The following NCKAP5 variants were observed in gnomAD, a reference collection of about 807,000 sequenced individuals.
NCKAP5 encodes nck-associated protein 5.
Under a neutral mutation model 167.0 loss-of-function variants are expected in NCKAP5, and 92 were observed. The ratio of observed to expected loss-of-function variants is 0.55; its 90% CI spans 0.47 to 0.66. The LOEUF is 0.66. Among genes scored for constraint, NCKAP5 ranks in the 30% least tolerant of loss-of-function variants. NCKAP5 has a pLI of 0.00. For missense variants in NCKAP5, 2,378 were observed against 2,315.0 expected (o/e 1.03, Z -0.56); for synonymous variants, 891 against 877.4 (o/e 1.02, Z -0.27).
chr2:132,835,822 T>C (rs1398111349), intron 11 of NCKAP5, among the ~76,000 whole-genome samples: 1 of 152,144 alleles, frequency 6.6e-6, no homozygotes, highest in Non-Finnish European at 1.5e-5. Context: ...AAACAAAAAA[T>C]AGAAGTGTCT....
chr2:133,273,023 A>G (rs895154300), intron 4 of NCKAP5, among the ~76,000 whole-genome samples: 5 of 152,076 alleles, frequency 3.3e-5, no homozygotes, highest in Non-Finnish European at 5.9e-5. Flanking sequence ...TTCATGTACA[A>G]GTTTTTGTGT....
At chr2:133,123,179 A>G (rs926473456) in intron 6 of NCKAP5, 2 of 152,388 alleles carry the variant, frequency 1.3e-5, no homozygotes, top group African/African-American at 2.4e-5. Flanking sequence ...ATTTAAGAAG[A>G]AACATGTGAC....
chr2:133,602,211 G>A, the NCKAP5 span, among the ~76,000 whole-genome samples: 7 of 152,146 alleles, frequency 4.6e-5, no homozygotes, highest in Admixed American at 3.9e-4. Context: ...GAGAGCTCAG[G>A]GGAGGTGGTG....
intron 17 of NCKAP5, among the ~76,000 whole-genome samples, chr2:132,731,195 C>A (rs994144204): frequency 3.9e-5 from 6 of 152,174 alleles, no homozygotes; most frequent in African/African-American, 1.4e-4. Context: ...ATCATGAAAT[C>A]TTGTTTCAAT....
At position 133,093,532 on chromosome 2, in the gene NCKAP5, A is replaced by T. The variant is rs577332639; in HGVS notation, c.341+36446T>A. Among the ~76,000 whole-genome samples, 3 of 152,318 alleles carry T rather than the reference A, an allele frequency of 2.0e-5. No homozygotes were observed. In the East Asian group the frequency reaches 5.8e-4, roughly 29 times the overall value. On this transcript the variant is annotated intron_variant, in intron 6 of 19. Transcript: ENST00000409261. ...ACAGGGAACAAACCCTTCTCTCTGC[A>T]AGGTTTTTATAATTAAACATCATGA...
chr2:132,836,402 C>T (rs576866577), intron 11 of NCKAP5, among the ~76,000 whole-genome samples: 1 of 151,938 alleles, frequency 6.6e-6, no homozygotes, highest in South Asian at 2.1e-4. Context: ...CTCTTATTTT[C>T]CTAGGAGTAT....
intron 3 of NCKAP5, among the ~76,000 whole-genome samples, chr2:133,471,715 C>T (rs1679341203): frequency 6.6e-6 from 1 of 152,148 alleles, no homozygotes; most frequent in South Asian, 2.1e-4. Flanking sequence ...ACTCCTCTTG[C>T]ATGAATCTCT....
chr2:133,590,594 T>C, the NCKAP5 span, among the ~76,000 whole-genome samples: 100,002 of 149,762 alleles, frequency 0.67, 34,850 homozygotes, highest in East Asian at 0.95. Context: ...AACATGACTC[T>C]CACAACCATG....
chr2:133,096,673 T>C (rs2081353715), intron 6 of NCKAP5, among the ~76,000 whole-genome samples: 1 of 152,172 alleles, frequency 6.6e-6, no homozygotes, highest in African/African-American at 2.4e-5. Context: ...TTATATTAAG[T>C]TGAGTTTATC....
At chr2:133,353,149 C>T (rs570490934) in intron 3 of NCKAP5, among the ~76,000 whole-genome samples, 14 of 152,250 alleles carry the variant, frequency 9.2e-5, no homozygotes, top group African/African-American at 2.4e-4. Context: ...AAGTGAACTG[C>T]GAAGCAAAAA....
chr2:133,151,256 C>T (rs930661973), intron 5 of NCKAP5, among the ~76,000 whole-genome samples: 1 of 151,786 alleles, frequency 6.6e-6, no homozygotes, highest in African/African-American at 2.4e-5. Flanking sequence ...GATACAACAC[C>T]AAAAGCATGA....
At chr2:132,734,885 T>C (rs978562649) in intron 16 of NCKAP5, among the ~76,000 whole-genome samples, 2 of 152,228 alleles carry the variant, frequency 1.3e-5, no homozygotes, top group African/African-American at 4.8e-5. Flanking sequence ...GCTCAGTTCA[T>C]AGCCATTCAG....
At chr2:132,762,290 T>C (rs1338098541) in intron 16 of NCKAP5, among the ~76,000 whole-genome samples, 2 of 149,864 alleles carry the variant, frequency 1.3e-5, no homozygotes, top group Non-Finnish European at 3.0e-5. Context: ...TTATTCATAA[T>C]TTTCTGTCAC....
chr2:132,781,083 T>G lies in NCKAP5; in HGVS notation c.5018A>C (p.Lys1673Thr), dbSNP rs771484177. ...QGNHKKNMKI[K>T]ADMEVPKDSL... ...GTCTTTTGGTACTTCCATATCGGCTTTGATTTTCATGTTTTTCTTGTGGTT... is the reference window on the plus strand; with the variant it reads ...GTCTTTTGGTACTTCCATATCGGCTGTGATTTTCATGTTTTTCTTGTGGTT... Residue 1673 changes from lysine to threonine, a missense_variant, in exon 15 of 20, where the codon AAA becomes ACA. By Grantham distance (78) the Lys-to-Thr change is moderately conservative (BLOSUM62 -1). Coordinates refer to ENST00000409261, the MANE Select transcript of NCKAP5 (RefSeq NM_207363.3). 2.5e-6 allele frequency: 4 copies of G among 1,613,744 alleles called. No individual in the cohort carries two copies. The East Asian group carries it at 6.7e-5, about 27-fold the overall frequency.
intron 3 of NCKAP5, among the ~76,000 whole-genome samples, chr2:133,392,844 T>A (rs1037499139): frequency 6.6e-6 from 1 of 152,204 alleles, no homozygotes; most frequent in African/African-American, 2.4e-5. Flanking sequence ...AACTGTAATA[T>A]TCCAAGAATG....
chr2:132,791,043 C>T (rs964403339), intron 12 of NCKAP5, among the ~76,000 whole-genome samples: 1 of 152,140 alleles, frequency 6.6e-6, no homozygotes, highest in African/African-American at 2.4e-5. Context: ...GTCTGGATCC[C>T]GGGCTACCCA....
At chr2:132,955,741 C>T (rs1211886329) in intron 8 of NCKAP5, among the ~76,000 whole-genome samples, 5 of 152,152 alleles carry the variant, frequency 3.3e-5, no homozygotes, top group African/African-American at 1.2e-4. Flanking sequence ...ACACTGTCTT[C>T]CACAATGATT....
intron 15 of NCKAP5, among the ~76,000 whole-genome samples, chr2:132,779,539 CTG>C (rs1427214253): frequency 3.3e-5 from 5 of 149,758 alleles, no homozygotes; most frequent in Non-Finnish European, 7.4e-5. Context: ...CAGGGGACAT[CTG>C]TGTTTTCAAA....
intron 3 of NCKAP5, among the ~76,000 whole-genome samples, chr2:133,434,845 T>C (rs187209406): frequency 3.3e-5 from 5 of 152,288 alleles, no homozygotes; most frequent in South Asian, 4.1e-4. Context: ...CTTAATTCAA[T>C]ACAGGACTGA....
Sources: gnomAD v4.1 joint callset for allele counts (sites outside exome capture counted in the v4.1 genomes callset) on GRCh38, gnomAD v4.1.1 for gene constraint, MANE v1.5 for transcripts, NCBI Gene and HGNC (gene_info 2026-07-23, HGNC 2026-07-21) for gene names.